Variants in CD7 observed in about 807,000 individuals in gnomAD.
CD7 encodes CD7 molecule, also known as T-cell antigen CD7.
A neutral mutation model predicts 17.6 loss-of-function variants in CD7; 19 were observed. The ratio of observed to expected loss-of-function variants is 1.08; its 90% CI spans 0.75 to 1.58. The LOEUF is 1.58. CD7 is among the 40% of genes most tolerant of loss of function. The pLI is 0.00. For synonymous variants in CD7, 160 were observed against 159.8 expected (o/e 1.00, Z -0.01); for missense variants, 291 against 327.1 (o/e 0.89, Z 0.85).
chr17:82,315,531 G>C (rs4530194), intron 3 of CD7, 100 bp from the exon 4 acceptor site: 145,222 of 883,082 alleles, frequency 0.16, 13,635 homozygotes, highest in Non-Finnish European at 0.18. Flanking sequence ...AGACCCCCAC[G>C]GGGCTCCTCT....
Position 82,316,848 on chromosome 17 carries a change from G to T in CD7, c.216C>A (p.Tyr72Ter), listed in dbSNP as rs775278619. The change falls in exon 2 of 4, where the codon TAC becomes TAA. Residue 72 changes from tyrosine (Y) to a stop codon, truncating the protein, a stop_gained. Transcript: ENST00000312648. LOFTEE classifies it high-confidence loss of function. ...CCGTAGTGGGCACCACCCCGTCCTC[G>T]TAGTAAATGATGTCTTGGGGCTGTG... ...LGPQPQDIIY[Y>*]EDGVVPTTDR... is the part of the protein sequence containing the mutation. 1 of 1,613,794 alleles carries T rather than the reference G, an allele frequency of 6.2e-7. No homozygotes were observed. The highest frequency in any genetic ancestry group is 8.5e-7 in the Non-Finnish European group (1 of 1,179,998).
rs1462839711 is a variant in CD7 at position 82,316,319 on chromosome 17, T to G, written c.488A>C (p.Asp163Ala). Residue 163 changes from aspartate (D) to alanine (A), a missense_variant, in exon 3 of 4, where the codon GAC becomes GCC. Transcript: ENST00000312648. ...PAPPTGSALP[D>A]PQTASALPDP... ...AGGGAGGGCAGAGGCTGTCTGCGGG[T>G]CAGGGAGGGCGGAGCCTGTCGGTGG... 2 of 1,571,466 alleles carry G rather than the reference T, an allele frequency of 1.3e-6. No individual in the cohort carries two copies. The highest frequency in any genetic ancestry group is 8.6e-7 in the Non-Finnish European group (1 of 1,157,592).
chr17:82,315,162 G>T lies in CD7; in HGVS notation c.*159C>A. ...AGAAGCACCGTGGGGCCTGGCCACTGCCTGTGTGTCTGCTTGGAGCTGGGC... is the reference window on the plus strand; with the variant it reads ...AGAAGCACCGTGGGGCCTGGCCACTTCCTGTGTGTCTGCTTGGAGCTGGGC... On this transcript the variant is annotated 3_prime_UTR_variant, in exon 4 of 4. Transcript: ENST00000312648. The T allele has an allele frequency of 1.6e-6, 1 of 614,938 alleles. No individual in the cohort carries two copies. The highest frequency in any genetic ancestry group is 3.0e-6 in the Non-Finnish European group (1 of 338,324). The allele number at this position is 614,938 out of a possible 1,614,324, so 38.1% of individuals were successfully genotyped here. A position where few individuals can be genotyped will look rare whatever the true frequency, so the allele number is the denominator to read the frequency against.
Position 82,315,679 on chromosome 17 carries a change from C to A in CD7, c.613-248G>T, listed in dbSNP as rs573364301. 6 of 548,052 alleles carry A rather than the reference C, an allele frequency of 1.1e-5. No homozygotes were observed. In the African/African-American group the frequency reaches 1.1e-4, roughly 10 times the overall value. The allele number at this position is 548,052 out of a possible 1,614,324, so 33.9% of individuals were successfully genotyped here. A position where few individuals can be genotyped will look rare whatever the true frequency, so the allele number is the denominator to read the frequency against. ...ACCCCCCCACCAAGCCCAAGCCAAG[C>A]GGGACCCCCACTCCAGCCCCAGACA... On this transcript the variant is annotated intron_variant, in intron 3 of 3. Transcript: ENST00000312648.
intron 3 of CD7, chr17:82,315,659 C>T (rs889738361): frequency 1.8e-6 from 1 of 557,662 alleles, no homozygotes; most frequent in African/African-American, 1.9e-5. Context: ...CTTGGACCCC[C>T]CCACCAAGCC....
At chr17:82,315,942 G>C (rs1353332288) in intron 3 of CD7, 1 of 561,260 alleles carries the variant, frequency 1.8e-6, no homozygotes, top group Non-Finnish European at 3.1e-6. Context: ...TCCCCCCTCA[G>C]ACACTCACAC....
At chr17:82,315,736 T>C (rs1184476561) in intron 3 of CD7, 2 of 547,630 alleles carry the variant, frequency 3.7e-6, no homozygotes, top group East Asian at 3.1e-5. Flanking sequence ...TGGCCACGCC[T>C]AGACTCTGTG....
chr17:82,317,218 G>A, intron 1 of CD7, 196 bp downstream of exon 1: 1 of 671,722 alleles, frequency 1.5e-6, no homozygotes, highest in Admixed American at 2.9e-5. Context: ...CAGCGGCCCT[G>A]CCTGGACAGC....
At chr17:82,316,151 G>A in intron 3 of CD7, 44 bp downstream of exon 3, 1 of 1,534,312 alleles carries the variant, frequency 6.5e-7, no homozygotes, top group Non-Finnish European at 8.8e-7. Flanking sequence ...TCAGGAGAGG[G>A]AACAATCTTT....
chr17:82,317,489 C>G lies in CD7; in HGVS notation c.7G>C (p.Gly3Arg). The G allele has an allele frequency of 2.6e-6, 4 of 1,566,332 alleles. No individual in the cohort carries two copies. The highest frequency in any genetic ancestry group is 1.8e-5 in the Admixed American group (1 of 54,482). The part of the protein sequence containing the change: MA[G>R]PPRLLLLPLL... ...GGCAGCAGCAGGAGCCTCGGAGGCC[C>G]GGCCATGTTCCCCACACCCAGCTCT... The change falls in exon 1 of 4, where the codon GGG becomes CGG. Residue 3 changes from glycine to arginine, a missense_variant. Coordinates refer to ENST00000312648, the MANE Select transcript of CD7 (RefSeq NM_006137.7).
intron 3 of CD7, chr17:82,315,903 C>T: frequency 1.6e-6 from 1 of 606,470 alleles, no homozygotes; most frequent in South Asian, 2.0e-5. Context: ...TGCCCGCACA[C>T]TCCAACCTGC....
In CD7 at chr17:82,317,597, G is replaced by A; in HGVS notation, c.-102C>T. 9.1e-7 allele frequency: 1 copy of A among 1,095,964 alleles called. No homozygotes were observed. Among genetic ancestry groups the A allele is most frequent in the Non-Finnish European group, 1.3e-6 (1 of 786,238 alleles). The allele number at this position is 1,095,964 out of a possible 1,614,324, so 67.9% of individuals were successfully genotyped here. A position where few individuals can be genotyped will look rare whatever the true frequency, so the allele number is the denominator to read the frequency against. ...GCACACAGGAGACCGCAGGCGCTCA[G>A]AGCTCAGAGAGGGCTTCCTGGAGGC... On this transcript the variant is annotated 5_prime_UTR_variant, in exon 1 of 4. Transcript: ENST00000312648.
Position 82,315,394 on chromosome 17 carries a change from GC to G in CD7, c.649del (p.Ala217ArgfsTer?). ...KLCSWRDKNS[A>X]ACVVYEDMSH... is the part of the protein sequence containing the mutation. ...CATGTCCTCGTACACCACACATGCC[GC>G]CGAATTCTTATCCCGCCACGAGCAC... is the stretch of plus-strand genomic sequence containing the variant. On this transcript the variant is annotated frameshift_variant, in exon 4 of 4. Transcript: ENST00000312648. LOFTEE classifies it low-confidence loss of function (END_TRUNC). 1.2e-6 allele frequency: 2 copies of G among 1,613,326 alleles called. No homozygotes were observed.
intron 2 of CD7, 90 bp from the exon 3 acceptor site, chr17:82,316,499 G>A: frequency 7.8e-7 from 1 of 1,290,318 alleles, no homozygotes; most frequent in Non-Finnish European, 1.1e-6. Context: ...GAAAGGCTGT[G>A]GAGGGGAGGA....
rs767665951 is a variant in CD7, at chr17:82,316,886, T to G, written c.178A>C (p.Arg60=). The G allele has an allele frequency of 1.2e-6, 2 of 1,613,338 alleles. No homozygotes were observed. The highest frequency in any genetic ancestry group is 2.2e-5 in the South Asian group (2 of 91,076). Reference sequence around the variant, plus strand: ...TCTTGGGGCTGTGGCCCGAGCTGCCTCAGGTAGATCCCACGCAGGCCCCCG... The same window carrying G: ...TCTTGGGGCTGTGGCCCGAGCTGCCGCAGGTAGATCCCACGCAGGCCCCCG... ...TSGGLRGIYL[R]QLGPQPQDII... is the part of the protein sequence containing the mutation. Residue 60 remains arginine (R), a synonymous_variant, in exon 2 of 4, where the codon AGG becomes CGG. Coordinates refer to ENST00000312648, the MANE Select transcript of CD7 (RefSeq NM_006137.7).
Position 82,316,209 on chromosome 17 carries a change from GCA to G in CD7, c.596_597del (p.Val199AlafsTer15). ...CTCACACTGACCTGTGTCCTCGCCAGCACACACGCCACCCCCAGGCCCAGCCC... is the reference window on the plus strand; with the variant it reads ...CTCACACTGACCTGTGTCCTCGCCAGCACACGCCACCCCCAGGCCCAGCCC... The part of the protein sequence containing the change: ...LLGLGLGVAC[V>X]LARTQIKKLC... On this transcript the variant is annotated frameshift_variant, in exon 3 of 4. Transcript: ENST00000312648. LOFTEE classifies it low-confidence loss of function (END_TRUNC). 6.4e-6 allele frequency: 10 copies of G among 1,562,064 alleles called. No individual in the cohort carries two copies. Among genetic ancestry groups the G allele is most frequent in the Non-Finnish European group, 8.7e-6 (10 of 1,152,814 alleles).
chr17:82,316,292 T>A lies in CD7; in HGVS notation c.515A>T (p.Asp172Val). The change falls in exon 3 of 4, where the codon GAC becomes GTC. Residue 172 changes from aspartate (D) to valine (V), a missense_variant. Coordinates refer to ENST00000312648, the MANE Select transcript of CD7 (RefSeq NM_006137.7). ...AGGGAGGGCAGAGGCTGCTGGCGGGTCAGGGAGGGCAGAGGCTGTCTGCGG... is the reference window on the plus strand; with the variant it reads ...AGGGAGGGCAGAGGCTGCTGGCGGGACAGGGAGGGCAGAGGCTGTCTGCGG... ...PDPQTASALP[D>V]PPAASALPAA... 6.9e-7 allele frequency: 1 copy of A among 1,454,104 alleles called. No homozygotes were observed. Among genetic ancestry groups the A allele is most frequent in the Non-Finnish European group, 9.4e-7 (1 of 1,059,650 alleles). The allele number at this position is 1,454,104 out of a possible 1,614,324, so 90.1% of individuals were successfully genotyped here.
At chr17:82,317,144 G>A (rs978125570) in intron 1 of CD7, 163 bp from the exon 2 acceptor site, 11 of 702,010 alleles carry the variant, frequency 1.6e-5, no homozygotes, top group Non-Finnish European at 2.1e-5. Context: ...TCTGGGCACC[G>A]GCTGTGGTGT....
Position 82,316,125 on chromosome 17 carries a change from G to A in CD7, c.612+70C>T, listed in dbSNP as rs935753013. On this transcript the variant is annotated intron_variant, in intron 3 of 3. Coordinates refer to ENST00000312648, the MANE Select transcript of CD7 (RefSeq NM_006137.7). ...CAGGGTTTTCCTCTGGGGCTTTGGC[G>A]CCCCCCACGCTGCTCTCAGGAGAGG... 1.6e-5 allele frequency: 23 copies of A among 1,459,648 alleles called. No individual in the cohort carries two copies. In the African/African-American group the frequency reaches 2.0e-4, roughly 12 times the overall value. The allele number at this position is 1,459,648 out of a possible 1,614,324, so 90.4% of individuals were successfully genotyped here.
Sources: gnomAD v4.1 joint callset for allele counts on GRCh38, gnomAD v4.1.1 for gene constraint, MANE v1.5 for transcripts, NCBI Gene and HGNC (gene_info 2026-07-23, HGNC 2026-07-21) for gene names.